The following ERC2 variants were observed in gnomAD, a reference collection of about 807,000 sequenced individuals.
ERC2 encodes the protein ERC protein 2.
Under a neutral mutation model 114.8 loss-of-function variants are expected in ERC2, and 42 were observed. That is an observed-to-expected ratio of 0.37 (90% confidence interval 0.29 to 0.47). The LOEUF is 0.47. Ranked by LOEUF, ERC2 falls within the 20% of genes least tolerant of loss-of-function variation. ERC2 has a pLI of 0.99. For synonymous variants in ERC2, 454 were observed against 425.5 expected (o/e 1.07, Z -0.82); for missense variants, 939 against 1,150.7 (o/e 0.82, Z 2.66).
chr3:56,333,358 G>A (rs977136721), intron 2 of ERC2, among the ~76,000 whole-genome samples: 2 of 152,186 alleles, frequency 1.3e-5, no homozygotes, highest in African/African-American at 4.8e-5. Flanking sequence ...TTCTCATGTT[G>A]GCAAAATTTA....
chr3:55,871,240 A>G (rs917711599), intron 14 of ERC2, among the ~76,000 whole-genome samples: 1 of 152,198 alleles, frequency 6.6e-6, no homozygotes, highest in African/African-American at 2.4e-5. Flanking sequence ...GGAGGTCCTC[A>G]GTTATTGCTC....
intron 14 of ERC2, among the ~76,000 whole-genome samples, chr3:55,865,171 C>A (rs2149270484): frequency 6.6e-6 from 1 of 152,302 alleles, no homozygotes; most frequent in African/African-American, 2.4e-5. Flanking sequence ...TCTCTACCTA[C>A]TTTCAGCTCC....
chr3:55,776,072 G>A (rs1201316383), intron 14 of ERC2, among the ~76,000 whole-genome samples: 1 of 151,982 alleles, frequency 6.6e-6, no homozygotes, highest in Non-Finnish European at 1.5e-5. Flanking sequence ...GGGCCCTACT[G>A]TGAAGGCCTG....
chr3:55,995,329 C>CTGAA (rs1559992102), intron 10 of ERC2, among the ~76,000 whole-genome samples: 1 of 150,894 alleles, frequency 6.6e-6, no homozygotes, highest in Non-Finnish European at 1.5e-5. Context: ...GATACTCCAT[C>CTGAA]TCAATCAATC....
chr3:56,141,820 A>T (rs2080872913), intron 5 of ERC2, among the ~76,000 whole-genome samples: 1 of 152,158 alleles, frequency 6.6e-6, no homozygotes, highest in Non-Finnish European at 1.5e-5. Context: ...TATTTTTTAT[A>T]TGTTACTGGA....
intron 2 of ERC2, among the ~76,000 whole-genome samples, chr3:56,385,917 G>A (rs1413725685): frequency 6.6e-6 from 1 of 152,150 alleles, no homozygotes; most frequent in Non-Finnish European, 1.5e-5. Context: ...TTGCAGAGTA[G>A]AGTATGAGAT....
intron 3 of ERC2, among the ~76,000 whole-genome samples, chr3:56,273,562 G>A (rs187019876): frequency 9.9e-5 from 15 of 151,922 alleles, no homozygotes; most frequent in East Asian, 7.7e-4. Flanking sequence ...CCCCTTTTAC[G>A]GAGGATTCTT....
At chr3:56,168,997 A>T (rs1431582457) in intron 4 of ERC2, among the ~76,000 whole-genome samples, 1 of 152,228 alleles carries the variant, frequency 6.6e-6, no homozygotes, top group East Asian at 1.9e-4. Flanking sequence ...ACTCAAGAGG[A>T]ACAACTCAAG....
intron 17 of ERC2, among the ~76,000 whole-genome samples, chr3:55,614,162 G>C (rs2059029654): frequency 6.6e-6 from 1 of 152,070 alleles, no homozygotes; most frequent in Non-Finnish European, 1.5e-5. Flanking sequence ...CTACTGGAAA[G>C]GTATCTGGAA....
intron 14 of ERC2, among the ~76,000 whole-genome samples, chr3:55,856,000 G>A (rs1441678405): frequency 6.6e-6 from 1 of 152,194 alleles, no homozygotes; most frequent in Non-Finnish European, 1.5e-5. Flanking sequence ...TGTCAAAGTA[G>A]AGATGAACAC....
intron 14 of ERC2, among the ~76,000 whole-genome samples, chr3:55,852,142 C>T (rs2061600347): frequency 1.3e-5 from 2 of 152,106 alleles, no homozygotes; most frequent in South Asian, 2.1e-4. Flanking sequence ...ATTGCTTGTA[C>T]CCGGGAGGCG....
chr3:55,630,760 C>T (rs777388136), intron 17 of ERC2, among the ~76,000 whole-genome samples: 8 of 152,170 alleles, frequency 5.3e-5, no homozygotes, highest in Non-Finnish European at 8.8e-5. Flanking sequence ...CTAGGTTTTA[C>T]ACAAAGATTT....
chr3:56,264,817 G>A (rs2316893), intron 3 of ERC2, among the ~76,000 whole-genome samples: 97,644 of 143,902 alleles, frequency 0.68, 34,148 homozygotes, highest in Non-Finnish European at 0.76. Context: ...CAGCAAATAT[G>A]ACCTATCCAA....
At chr3:56,182,170 T>C (rs1283477440) in intron 3 of ERC2, among the ~76,000 whole-genome samples, 1 of 152,252 alleles carries the variant, frequency 6.6e-6, no homozygotes, top group African/African-American at 2.4e-5. Flanking sequence ...TACACTCATG[T>C]ATACTCTCAT....
At chr3:56,041,832 A>G (rs1286752908) in intron 7 of ERC2, among the ~76,000 whole-genome samples, 1 of 152,078 alleles carries the variant, frequency 6.6e-6, no homozygotes, top group Non-Finnish European at 1.5e-5. Context: ...CTGTCGTACT[A>G]TTTTCAGGTA....
chr3:55,606,389 A>C (rs1245782298), intron 17 of ERC2, among the ~76,000 whole-genome samples: 1 of 152,204 alleles, frequency 6.6e-6, no homozygotes, highest in Non-Finnish European at 1.5e-5. Flanking sequence ...AAAACATCAA[A>C]AGCCACAAAA....
At chr3:55,892,354 C>T (rs1182572016) in intron 13 of ERC2, among the ~76,000 whole-genome samples, 1 of 152,012 alleles carries the variant, frequency 6.6e-6, no homozygotes, top group Admixed American at 6.6e-5. Flanking sequence ...TGCATCCCTA[C>T]AAAAAGTAGA....
intron 14 of ERC2, among the ~76,000 whole-genome samples, chr3:55,822,781 T>C (rs1264894720): frequency 6.6e-6 from 1 of 152,026 alleles, no homozygotes; most frequent in African/African-American, 2.4e-5. Flanking sequence ...GCCCGGCTAA[T>C]TTTTTGTATT....
chr3:55,724,728 C>T (rs1406909905), intron 15 of ERC2, among the ~76,000 whole-genome samples: 1 of 152,154 alleles, frequency 6.6e-6, no homozygotes, highest in South Asian at 2.1e-4. Flanking sequence ...ACATTATACC[C>T]ACTCCTAAGC....
Sources: gnomAD v4.1 joint callset for allele counts (sites outside exome capture counted in the v4.1 genomes callset) on GRCh38, gnomAD v4.1.1 for gene constraint, MANE v1.5 for transcripts, NCBI Gene and HGNC (gene_info 2026-07-23, HGNC 2026-07-21) for gene names.